COL11A1: variants seen among roughly 807,000 people sequenced by gnomAD.
COL11A1 encodes collagen alpha-1(XI) chain.
Under a neutral mutation model 265.2 loss-of-function variants are expected in COL11A1, and 74 were observed. That is an observed-to-expected ratio of 0.28 (90% CI 0.23 to 0.34). The LOEUF is 0.34. Ranked by LOEUF, COL11A1 falls within the 10% of genes least tolerant of loss-of-function variation. The probability of loss-of-function intolerance (pLI) is 1.00; values close to 1 mark genes in which losing one functional copy is unlikely to be tolerated. For missense variants in COL11A1, 2,165 were observed against 2,263.6 expected (o/e 0.96, Z 0.88); for synonymous variants, 816 against 727.6 (o/e 1.12, Z -1.96).
intron 30 of COL11A1, among the ~76,000 whole-genome samples, chr1:102,986,938 T>C (rs1663622869): frequency 1.3e-5 from 2 of 152,146 alleles, no homozygotes; most frequent in African/African-American, 4.8e-5. Flanking sequence ...TGAATACCAG[T>C]ATTTTTTAAT....
intron 4 of COL11A1, among the ~76,000 whole-genome samples, chr1:103,055,660 C>T (rs78536757): frequency 0.057 from 8,698 of 152,268 alleles, 285 homozygotes; most frequent in Non-Finnish European, 0.077. Flanking sequence ...CCATGAACCA[C>T]ATCCACATGA....
intron 4 of COL11A1, among the ~76,000 whole-genome samples, chr1:103,035,476 T>C (rs1179962458): frequency 6.6e-6 from 1 of 152,138 alleles, no homozygotes; most frequent in Non-Finnish European, 1.5e-5. Flanking sequence ...ATCTTCACGA[T>C]AAATTTTGTG....
At chr1:103,068,849 G>GA (rs889105694) in intron 4 of COL11A1, among the ~76,000 whole-genome samples, 20 of 149,952 alleles carry the variant, frequency 1.3e-4, no homozygotes, top group African/African-American at 4.6e-4. Flanking sequence ...AAATACTTAG[G>GA]AAAAAATTAA....
intron 8 of COL11A1, 111 bp from the exon 9 acceptor site, chr1:103,021,880 C>T (rs867440478): frequency 1.2e-6 from 1 of 830,770 alleles, no homozygotes; most frequent in Non-Finnish European, 2.0e-6. Context: ...CGGAGTCTCC[C>T]TCTGTTGCCC....
At chr1:103,009,082 A>C (rs1025312541) in intron 14 of COL11A1, among the ~76,000 whole-genome samples, 1 of 152,208 alleles carries the variant, frequency 6.6e-6, no homozygotes, top group Non-Finnish European at 1.5e-5. Context: ...CCATGAGAAT[A>C]AGTCTGTATA....
intron 31 of COL11A1, among the ~76,000 whole-genome samples, chr1:102,981,886 A>G: frequency 6.6e-6 from 1 of 151,970 alleles, no homozygotes; most frequent in Non-Finnish European, 1.5e-5. Flanking sequence ...TTATATTGCT[A>G]CTAAGCAATT....
At chr1:102,929,963 G>C (rs960911683) in intron 46 of COL11A1, among the ~76,000 whole-genome samples, 1 of 152,188 alleles carries the variant, frequency 6.6e-6, no homozygotes, top group African/African-American at 2.4e-5. Flanking sequence ...CTTTGCTAAA[G>C]TTGCTTATCA....
intron 46 of COL11A1, among the ~76,000 whole-genome samples, chr1:102,924,723 T>C (rs551766673): frequency 6.6e-6 from 1 of 152,270 alleles, no homozygotes; most frequent in East Asian, 1.9e-4. Flanking sequence ...AAAAGTTTAA[T>C]CTTAGAAAAA....
In COL11A1 at chr1:103,006,300, G is replaced by C. The variant is rs766321454; in HGVS notation, c.1699C>G (p.Gln567Glu). Reference sequence around the variant, plus strand: ...TTTCCCGTTGGACCAGGGGGACCCTGGACGCCTCGAGGGCCCTATATCAAG... The same window carrying C: ...TTTCCCGTTGGACCAGGGGGACCCTCGACGCCTCGAGGGCCCTATATCAAG... ...DPGPQGPRGV[Q>E]GPPGPTGKPG... The change falls in exon 16 of 67, where the codon CAG (glutamine) becomes GAG (glutamate). Residue 567 changes from glutamine to glutamate, a missense_variant. Physicochemically the swap from Gln to Glu is conservative, Grantham distance 29. Coordinates refer to ENST00000370096, the MANE Select transcript of COL11A1 (RefSeq NM_001854.4). 2 of 1,609,448 alleles carry C rather than the reference G, an allele frequency of 1.2e-6. No individual in the cohort carries two copies. The highest frequency in any genetic ancestry group is 1.7e-6 in the Non-Finnish European group (2 of 1,177,742).
At chr1:102,926,685 A>G (rs539263765) in intron 46 of COL11A1, among the ~76,000 whole-genome samples, 1 of 152,300 alleles carries the variant, frequency 6.6e-6, no homozygotes. Flanking sequence ...GATGATGTTT[A>G]TTGAATATTT....
intron 15 of COL11A1, among the ~76,000 whole-genome samples, chr1:103,007,800 C>A (rs148938912): frequency 0.032 from 4,542 of 142,640 alleles, 256 homozygotes; most frequent in African/African-American, 0.11. Flanking sequence ...GCAGAGGTTG[C>A]AGTGAGCCAA....
At chr1:102,897,568 C>A (rs901045740) in intron 57 of COL11A1, among the ~76,000 whole-genome samples, 3 of 152,088 alleles carry the variant, frequency 2.0e-5, no homozygotes, top group African/African-American at 7.2e-5. Context: ...ATAAACTCCA[C>A]CTATGAATAG....
At chr1:103,010,933 T>A (rs1376763850) in intron 14 of COL11A1, among the ~76,000 whole-genome samples, 1 of 151,980 alleles carries the variant, frequency 6.6e-6, no homozygotes, top group African/African-American at 2.4e-5. Context: ...CTCCCAACCT[T>A]AGGTGATCCG....
In COL11A1 at chr1:102,995,850, CAATTA is replaced by C. The variant is rs374301870; in HGVS notation, c.2340+9_2340+13del. The C allele has an allele frequency of 3.0e-4, 477 of 1,595,150 alleles. 1 individual carries two copies. The East Asian group carries it at 9.0e-3, about 30-fold the overall frequency. On this transcript the variant is annotated intron_variant, in intron 28 of 66. Transcript: ENST00000370096. ...TACACAGAAATTAATACCATCTAAA[CAATTA>C]AATTTTACCTTTTCACCTTTAGATC...
chr1:103,093,404 GT>G (rs1267610526), intron 1 of COL11A1, among the ~76,000 whole-genome samples: 1 of 151,960 alleles, frequency 6.6e-6, no homozygotes. Flanking sequence ...GCCTGAACAG[GT>G]TTTTTCATGC....
At chr1:103,083,676 G>A (rs1672618426) in intron 1 of COL11A1, among the ~76,000 whole-genome samples, 1 of 152,098 alleles carries the variant, frequency 6.6e-6, no homozygotes, top group South Asian at 2.1e-4. Context: ...TGCACACAAA[G>A]GTGTATGTAT....
chr1:102,896,247 C>A, intron 57 of COL11A1, among the ~76,000 whole-genome samples: 1 of 151,762 alleles, frequency 6.6e-6, no homozygotes, highest in Non-Finnish European at 1.5e-5. Flanking sequence ...CTAAAGTCAT[C>A]CACCAAGTAA....
At chr1:103,106,297 C>A (rs1326208458) in intron 1 of COL11A1, among the ~76,000 whole-genome samples, 1 of 152,126 alleles carries the variant, frequency 6.6e-6, no homozygotes, top group Non-Finnish European at 1.5e-5. Context: ...CATCCATCAC[C>A]GAAGAAATTC....
intron 1 of COL11A1, among the ~76,000 whole-genome samples, chr1:103,096,944 G>T (rs1007607745): frequency 2.6e-5 from 4 of 151,974 alleles, no homozygotes; most frequent in Non-Finnish European, 5.9e-5. Context: ...ACTCCCTTAT[G>T]AAGTGGAAGT....
Sources: gnomAD v4.1 joint callset for allele counts (sites outside exome capture counted in the v4.1 genomes callset) on GRCh38, gnomAD v4.1.1 for gene constraint, MANE v1.5 for transcripts, NCBI Gene and HGNC (gene_info 2026-07-23, HGNC 2026-07-21) for gene names.